Variants in CFAP77 observed in about 807,000 individuals in gnomAD.
The protein encoded by CFAP77 is cilia- and flagella-associated protein 77.
CFAP77 carries 25 observed loss-of-function variants against 31.1 expected under a neutral mutation model. The ratio of observed to expected loss-of-function variants is 0.80; its 90% confidence interval spans 0.59 to 1.12. CFAP77 has a LOEUF of 1.12. Ranked by LOEUF, CFAP77 falls within the 50% of genes most tolerant of loss-of-function variation. The pLI is 0.00. For missense variants in CFAP77, 377 were observed against 397.3 expected (o/e 0.95, Z 0.44); for synonymous variants, 151 against 159.9 (o/e 0.94, Z 0.42).
intron 1 of CFAP77, among the ~76,000 whole-genome samples, chr9:132,441,260 G>A (rs192176767): frequency 2.6e-5 from 4 of 152,264 alleles, no homozygotes; most frequent in South Asian, 2.1e-4. Context: ...CATTATTTAC[G>A]CAGACAAGGA....
Position 132,558,580 on chromosome 9 carries a change from C to T in CFAP77, c.733-13808C>T, listed in dbSNP as rs182642657. ...ATCAGCCAGGCGTGGTGGCAGGCGC[C>T]TGTAATCCCAGCTACTCAGGAGGCT... On this transcript the variant is annotated intron_variant, in intron 5 of 5. Coordinates refer to ENST00000393216, the MANE Select transcript of CFAP77 (RefSeq NM_001282957.2). 5.6e-3 allele frequency among the ~76,000 whole-genome samples: 859 copies of T among 152,228 alleles called. 11 individuals are homozygous for T. Among genetic ancestry groups the T allele is most frequent in the African/African-American group, 0.02 (816 of 41,518 alleles).
intron 3 of CFAP77, among the ~76,000 whole-genome samples, chr9:132,505,736 G>A (rs1851920450): frequency 6.6e-6 from 1 of 152,160 alleles, no homozygotes; most frequent in African/African-American, 2.4e-5. Flanking sequence ...GGGCTGAGGG[G>A]CAGCATCCCT....
chr9:132,477,939 CTT>C (rs1487607104), intron 1 of CFAP77, among the ~76,000 whole-genome samples: 1 of 152,136 alleles, frequency 6.6e-6, no homozygotes, highest in Non-Finnish European at 1.5e-5. Flanking sequence ...ATTCTACTTG[CTT>C]TTGTTTAGAA....
rs979864886 is a variant in CFAP77 at position 132,481,971 on chromosome 9, G to T, written c.196-16724G>T. On this transcript the variant is annotated intron_variant, in intron 1 of 5. Transcript: ENST00000393216. The surrounding 1 kb of genome is among the most constrained non-coding windows in gnomAD (Gnocchi z 5.0). ...AAGGGTTTATGGTTGGGGGGGGGGGGGGCGGCGGAACACTGAACATTTTTC... is the reference window on the plus strand; with the variant it reads ...AAGGGTTTATGGTTGGGGGGGGGGGTGGCGGCGGAACACTGAACATTTTTC... 3.3e-4 allele frequency among the ~76,000 whole-genome samples: 49 copies of T among 149,962 alleles called. 1 individual carries two copies. The South Asian group carries it at 5.6e-3, about 17-fold the overall frequency.
At chr9:132,538,510 G>T (rs997766835) in intron 4 of CFAP77, among the ~76,000 whole-genome samples, 3 of 152,252 alleles carry the variant, frequency 2.0e-5, no homozygotes, top group African/African-American at 7.2e-5. Flanking sequence ...TCAAGGCCGG[G>T]CGCGGTGGCT....
chr9:132,556,238 ACTT>A (rs1027914745), intron 5 of CFAP77, among the ~76,000 whole-genome samples: 11 of 151,954 alleles, frequency 7.2e-5, no homozygotes, highest in South Asian at 4.2e-4. Flanking sequence ...CCCTTCACTA[ACTT>A]CTTCTTAGTC....
intron 3 of CFAP77, among the ~76,000 whole-genome samples, chr9:132,530,536 A>G (rs549101510): frequency 1.9e-4 from 29 of 152,222 alleles, no homozygotes; most frequent in African/African-American, 6.3e-4. Context: ...CGGCCTCCCA[A>G]ACTGCTGAGA....
chr9:132,457,202 G>A (rs1343286253), intron 1 of CFAP77, among the ~76,000 whole-genome samples: 2 of 151,624 alleles, frequency 1.3e-5, no homozygotes, highest in African/African-American at 4.9e-5. Flanking sequence ...TGAAGCCCTC[G>A]GCCTGGGTCC....
In CFAP77 at chr9:132,508,865, T is replaced by C. The variant is rs79128090; in HGVS notation, c.524+9265T>C. 1.2e-3 allele frequency among the ~76,000 whole-genome samples: 188 copies of C among 152,300 alleles called. 2 individuals carry two copies. The East Asian group carries it at 0.033, about 27-fold the overall frequency. On this transcript the variant is annotated intron_variant, in intron 3 of 5. Coordinates refer to ENST00000393216, the MANE Select transcript of CFAP77 (RefSeq NM_001282957.2). ...AGACAGTCACTTGCCCAAAGTCTCC[T>C]GGCTAGTTGGAGGCAGCACCAGGAT...
At chr9:132,474,300 C>T (rs564585963) in intron 1 of CFAP77, among the ~76,000 whole-genome samples, 1 of 152,270 alleles carries the variant, frequency 6.6e-6, no homozygotes, top group Admixed American at 6.5e-5. Flanking sequence ...TTCTGTTGGA[C>T]AGTCATACAC....
intron 4 of CFAP77, among the ~76,000 whole-genome samples, chr9:132,541,091 C>G (rs1852632286): frequency 2.6e-5 from 4 of 152,190 alleles, no homozygotes; most frequent in Admixed American, 1.3e-4. Context: ...CTTAGACGGT[C>G]AGTTTGCAAA....
At chr9:132,500,248 A>C (rs1200985423) in intron 3 of CFAP77, among the ~76,000 whole-genome samples, 5 of 151,756 alleles carry the variant, frequency 3.3e-5, no homozygotes, top group Non-Finnish European at 7.4e-5. Context: ...CCGGGAAGCC[A>C]GGAGAGAGGC....
chr9:132,539,538 G>A lies in CFAP77; in HGVS notation c.630+1832G>A, dbSNP rs1464888480. 6.6e-6 allele frequency among the ~76,000 whole-genome samples: 1 copy of A among 152,188 alleles called. No individual in the cohort carries two copies. Among genetic ancestry groups the A allele is most frequent in the Admixed American group, 6.5e-5 (1 of 15,290 alleles). On this transcript the variant is annotated intron_variant, in intron 4 of 5. Coordinates refer to ENST00000393216, the MANE Select transcript of CFAP77 (RefSeq NM_001282957.2). This position sits in a 1 kb window ranked among gnomAD's most constrained non-coding sequence, Gnocchi z 4.3. ...CTGAAGAAGAGGTCCCACTCCTGCTGTTTACGGAAAAGCCTGGGGCTCAGC... is the reference window on the plus strand; with the variant it reads ...CTGAAGAAGAGGTCCCACTCCTGCTATTTACGGAAAAGCCTGGGGCTCAGC...
At position 132,498,559 on chromosome 9, in the gene CFAP77, A is replaced by C. The variant is rs922040966; in HGVS notation, c.196-136A>C. 1.5e-6 allele frequency: 1 copy of C among 653,208 alleles called. No individual in the cohort carries two copies. The highest frequency in any genetic ancestry group is 2.7e-6 in the Non-Finnish European group (1 of 369,222). 40.5% of individuals were successfully genotyped at this position (653,208 alleles called of 1,614,324 possible). A position where few individuals can be genotyped will look rare whatever the true frequency, so the allele number is the denominator to read the frequency against. On this transcript the variant is annotated intron_variant, in intron 1 of 5. Coordinates refer to ENST00000393216, the MANE Select transcript of CFAP77 (RefSeq NM_001282957.2). The surrounding 1 kb of genome is among the most constrained non-coding windows in gnomAD (Gnocchi z 4.2). ...CCTCCCAGGGAGGGCTCTGCCACCC[A>C]CTCCTGTGCCACCCTGAAGGCCACG...
intron 3 of CFAP77, among the ~76,000 whole-genome samples, chr9:132,505,258 C>A (rs1306547748): frequency 6.6e-6 from 1 of 152,168 alleles, no homozygotes; most frequent in Non-Finnish European, 1.5e-5. Context: ...AGGGGTGCAC[C>A]CCCTCTTCTC....
chr9:132,464,851 G>GT (rs1851121954), intron 1 of CFAP77, among the ~76,000 whole-genome samples: 1 of 152,056 alleles, frequency 6.6e-6, no homozygotes, highest in Non-Finnish European at 1.5e-5. Flanking sequence ...TAGCACTTTG[G>GT]GAGGCTGAGG....
At chr9:132,433,365 C>T (rs558466751) in intron 1 of CFAP77, among the ~76,000 whole-genome samples, 1 of 152,256 alleles carries the variant, frequency 6.6e-6, no homozygotes, top group African/African-American at 2.4e-5. Context: ...CCCTTCTTCC[C>T]TTACCACACT....
intron 1 of CFAP77, among the ~76,000 whole-genome samples, chr9:132,437,052 A>C (rs916844083): frequency 6.6e-6 from 1 of 152,024 alleles, no homozygotes; most frequent in Non-Finnish European, 1.5e-5. Context: ...CAGGAGGGAG[A>C]CCTGCTCTTC....
At chr9:132,479,207 AC>A (rs764114209) in intron 1 of CFAP77, among the ~76,000 whole-genome samples, 4 of 152,150 alleles carry the variant, frequency 2.6e-5, no homozygotes, top group Non-Finnish European at 5.9e-5. Context: ...TAGTGATGCA[AC>A]CCCATGGCAT....
Sources: allele counts gnomAD v4.1 joint callset (sites outside exome capture counted in the v4.1 genomes callset), GRCh38; gene constraint gnomAD v4.1.1; non-coding constraint Gnocchi (gnomAD v3.1); transcripts MANE v1.5; gene names NCBI Gene and HGNC (gene_info 2026-07-23, HGNC 2026-07-21).